KANK4: variants seen among roughly 807,000 people sequenced by gnomAD.
The protein encoded by KANK4 is KN motif and ankyrin repeat domains 4.
Under a neutral mutation model 80.8 loss-of-function variants are expected in KANK4, and 50 were observed. That is an observed-to-expected ratio of 0.62 (90% CI 0.49 to 0.78). The LOEUF (loss-of-function observed/expected upper bound fraction) is 0.78. Among genes scored for constraint, KANK4 ranks in the 30% least tolerant of loss-of-function variants. KANK4 has a pLI of 0.00. For synonymous variants in KANK4, 465 were observed against 506.9 expected (o/e 0.92, Z 1.11); for missense variants, 1,196 against 1,240.1 (o/e 0.96, Z 0.53).
chr1:62,241,297 G>A (rs932652630), intron 9 of KANK4, among the ~76,000 whole-genome samples: 1 of 152,136 alleles, frequency 6.6e-6, no homozygotes, highest in Non-Finnish European at 1.5e-5. Context: ...TCAGGGGAGA[G>A]GATGGGCACT....
chr1:62,272,392 TGCTCCTCCAAAAC>T (rs1187335500), intron 3 of KANK4: 3 of 152,358 alleles, frequency 2.0e-5, no homozygotes, highest in Non-Finnish European at 2.9e-5. Context: ...ATCAATATAA[TGCTCCTCCAAAAC>T]CAGGCCAGAG....
At chr1:62,288,397 C>T (rs2149158724) in intron 1 of KANK4, among the ~76,000 whole-genome samples, 1 of 152,298 alleles carries the variant, frequency 6.6e-6, no homozygotes, top group South Asian at 2.1e-4. Context: ...TAAGCAATCC[C>T]TTAGGCTTTT....
rs764633807 is a variant in KANK4, at chr1:62,274,226, A to G, written c.878T>C (p.Ile293Thr). 9 of 1,614,050 alleles carry G rather than the reference A, an allele frequency of 5.6e-6. No homozygotes were observed. The East Asian group carries it at 2.0e-4, about 36-fold the overall frequency. Residue 293 changes from isoleucine to threonine, a missense_variant, in exon 3 of 10, where the codon ATC becomes ACC. Coordinates refer to ENST00000371153, the MANE Select transcript of KANK4 (RefSeq NM_181712.5). ...TPSPPPLPSP[I>T]PENELLLEEI... ...TTCCAGGAGGAGCTCATTCTCAGGG[A>G]TGGGTGATGGCAGAGGTGGCGGGCT...
intron 1 of KANK4, among the ~76,000 whole-genome samples, chr1:62,309,407 C>T (rs1644480124): frequency 6.6e-6 from 1 of 152,212 alleles, no homozygotes; most frequent in Non-Finnish European, 1.5e-5. Flanking sequence ...GAATCCCAGG[C>T]AGACCTGGTA....
chr1:62,250,903 G>A (rs6657288), intron 8 of KANK4, among the ~76,000 whole-genome samples: 3,153 of 152,276 alleles, frequency 0.021, 94 homozygotes, highest in African/African-American at 0.072. Flanking sequence ...CATCGGGTTA[G>A]GTTACTATCT....
At chr1:62,266,381 T>C (rs1401648465) in intron 6 of KANK4, among the ~76,000 whole-genome samples, 4 of 149,020 alleles carry the variant, frequency 2.7e-5, no homozygotes, top group Admixed American at 1.3e-4. Flanking sequence ...CACTGTGCAC[T>C]GTACACTCAC....
At chr1:62,258,836 A>G (rs1360692260) in intron 7 of KANK4, among the ~76,000 whole-genome samples, 9 of 152,146 alleles carry the variant, frequency 5.9e-5, no homozygotes, top group Non-Finnish European at 1.2e-4. Flanking sequence ...CACCAGGAAG[A>G]CTTTTGAGGA....
intron 7 of KANK4, among the ~76,000 whole-genome samples, chr1:62,259,656 C>T (rs2149129675): frequency 6.6e-6 from 1 of 151,728 alleles, no homozygotes; most frequent in Non-Finnish European, 1.5e-5. Flanking sequence ...CTGAATGTCA[C>T]TTTCATGGTC....
Position 62,240,529 on chromosome 1 carries a change from C to T in KANK4, c.2884-2148G>A, listed in dbSNP as rs539952605. Among the ~76,000 whole-genome samples the T allele has an allele frequency of 1.1e-3, 163 of 152,152 alleles. 1 individual carries two copies. The highest frequency in any genetic ancestry group is 3.7e-3 in the African/African-American group (154 of 41,502). On this transcript the variant is annotated intron_variant, in intron 9 of 9. Coordinates refer to ENST00000371153, the MANE Select transcript of KANK4 (RefSeq NM_181712.5). ...TACTAAAAATACAAAATTAGCCTGG[C>T]GTGGTGGCACATGTCTGTAACCCCA...
intron 1 of KANK4, among the ~76,000 whole-genome samples, chr1:62,301,995 G>T (rs1218496195): frequency 6.6e-6 from 1 of 152,042 alleles, no homozygotes; most frequent in Non-Finnish European, 1.5e-5. Flanking sequence ...ATGGGGAACA[G>T]GTAAGAAGGA....
intron 8 of KANK4, among the ~76,000 whole-genome samples, chr1:62,250,443 C>T (rs75819742): frequency 0.022 from 3,335 of 152,298 alleles, 116 homozygotes; most frequent in African/African-American, 0.076. Context: ...TATGCTGCTG[C>T]ATTGCCCTGG....
intron 1 of KANK4, among the ~76,000 whole-genome samples, chr1:62,297,511 C>G (rs1049881203): frequency 3.9e-5 from 6 of 152,116 alleles, no homozygotes; most frequent in African/African-American, 1.4e-4. Flanking sequence ...CTTTTGGGTC[C>G]TATTTCTGTA....
chr1:62,300,786 C>A (rs1644405634), intron 1 of KANK4, among the ~76,000 whole-genome samples: 3 of 152,024 alleles, frequency 2.0e-5, no homozygotes, highest in Non-Finnish European at 4.4e-5. Flanking sequence ...CGTATGTCCC[C>A]AGATTCTGGA....
intron 1 of KANK4, among the ~76,000 whole-genome samples, chr1:62,317,637 G>T (rs1644552875): frequency 6.6e-6 from 1 of 152,260 alleles, no homozygotes; most frequent in Non-Finnish European, 1.5e-5. Context: ...TCTCACACGC[G>T]GCTACTTCTG....
intron 9 of KANK4, among the ~76,000 whole-genome samples, chr1:62,242,267 C>T (rs1390555882): frequency 7.3e-6 from 1 of 136,804 alleles, no homozygotes; most frequent in Non-Finnish European, 1.5e-5. Flanking sequence ...GAGGCTGAGG[C>T]GGGAGGATCA....
chr1:62,243,558 T>A (rs1268658700), intron 9 of KANK4, among the ~76,000 whole-genome samples: 1 of 152,036 alleles, frequency 6.6e-6, no homozygotes, highest in Non-Finnish European at 1.5e-5. Flanking sequence ...AGGCTGGTCT[T>A]GAACTCCTGA....
At position 62,238,299 on chromosome 1, in the gene KANK4, T is replaced by G; in HGVS notation, c.2966A>C (p.Gln989Pro). 6.2e-7 allele frequency: 1 copy of G among 1,613,894 alleles called. No homozygotes were observed. Among genetic ancestry groups the G allele is most frequent in the Non-Finnish European group, 8.5e-7 (1 of 1,179,808 alleles). The change falls in exon 10 of 10, where the codon CAG (glutamine) becomes CCG (proline). Residue 989 changes from glutamine (Q) to proline (P), a missense_variant. Physicochemically the swap from Gln to Pro is moderately conservative, Grantham distance 76. Coordinates refer to ENST00000371153, the MANE Select transcript of KANK4 (RefSeq NM_181712.5). ...CCCCTACAGCCCCAGGGACCTGCCCTGCTCCGCGTGGGCTCTCAGAAGCCC... is the reference window on the plus strand; with the variant it reads ...CCCCTACAGCCCCAGGGACCTGCCCGGCTCCGCGTGGGCTCTCAGAAGCCC... ...IAGLLRAHAE[Q>P]GRSLGL
intron 1 of KANK4, among the ~76,000 whole-genome samples, chr1:62,308,029 A>G (rs1644467088): frequency 6.6e-6 from 1 of 152,006 alleles, no homozygotes; most frequent in South Asian, 2.1e-4. Context: ...CTCACCCCGT[A>G]TCCACCCTGT....
chr1:62,271,420 G>T, intron 4 of KANK4, 58 bp downstream of exon 4: 1 of 1,145,486 alleles, frequency 8.7e-7, no homozygotes, highest in Non-Finnish European at 1.3e-6. Context: ...AGAGTGCAAA[G>T]GACAATAGCA....
Sources: gnomAD v4.1 joint callset for allele counts (sites outside exome capture counted in the v4.1 genomes callset) on GRCh38, gnomAD v4.1.1 for gene constraint, MANE v1.5 for transcripts, NCBI Gene and HGNC (gene_info 2026-07-23, HGNC 2026-07-21) for gene names.